Variants in ATG7 observed in about 807,000 individuals in gnomAD.
ATG7 encodes ubiquitin-like modifier-activating enzyme ATG7.
In ATG7, 70 loss-of-function variants were observed where a neutral mutation model predicts 82.4. That is an observed-to-expected ratio of 0.85 (90% CI 0.70 to 1.04). ATG7 has a LOEUF of 1.04. Ranked by LOEUF, ATG7 falls within the 50% of genes least tolerant of loss-of-function variation. The pLI is 0.00. For synonymous variants in ATG7, 287 were observed against 313.0 expected (o/e 0.92, Z 0.88); for missense variants, 792 against 864.3 (o/e 0.92, Z 1.05).
the ATG7 span, among the ~76,000 whole-genome samples, chr3:11,569,173 C>T: frequency 6.6e-6 from 1 of 152,230 alleles, no homozygotes; most frequent in African/African-American, 2.4e-5. Context: ...GAGTTTCCCA[C>T]CCTCCAACAA....
intron 20 of ATG7, among the ~76,000 whole-genome samples, chr3:11,518,330 A>G (rs1249541241): frequency 6.6e-6 from 1 of 152,210 alleles, no homozygotes; most frequent in Non-Finnish European, 1.5e-5. Context: ...GTGGATCACA[A>G]GGTCAAAGAG....
chr3:11,573,359 GAAAGAAAGAAAGAAAGAA>G, the ATG7 span, among the ~76,000 whole-genome samples: 13 of 102,258 alleles, frequency 1.3e-4, no homozygotes, highest in African/African-American at 2.9e-4. Flanking sequence ...AAGAAAGAAA[GAAAGAAAGAAAGAAAGAA>G]AGAAAGAAAG....
chr3:11,298,934 G>C (rs1246448387), intron 4 of ATG7, 79 bp downstream of exon 4: 1 of 1,480,252 alleles, frequency 6.8e-7, no homozygotes, highest in Non-Finnish European at 9.3e-7. Context: ...CTTTCCTTTA[G>C]AAAGAGACAG....
intron 1 of ATG7, among the ~76,000 whole-genome samples, chr3:11,278,952 T>C (rs1575111333): frequency 6.6e-6 from 1 of 152,288 alleles, no homozygotes; most frequent in East Asian, 1.9e-4. Context: ...AGAAATTCAC[T>C]AGATGATGGG....
At chr3:11,372,432 T>A (rs1303685638) in intron 18 of ATG7, among the ~76,000 whole-genome samples, 1 of 151,014 alleles carries the variant, frequency 6.6e-6, no homozygotes, top group East Asian at 1.9e-4. Flanking sequence ...TTTGAAAAAT[T>A]AAGATTATAA....
intron 20 of ATG7, among the ~76,000 whole-genome samples, chr3:11,455,756 A>C (rs1433889024): frequency 6.6e-6 from 1 of 152,098 alleles, no homozygotes; most frequent in Admixed American, 6.5e-5. Flanking sequence ...TATGGATCCC[A>C]CCTTAATCAA....
rs1216071733 is a variant in ATG7 at position 11,510,489 on chromosome 3, G to C, written c.2080-44322G>C. The stretch of plus-strand genomic sequence containing the variant: ...ATCCCAGTGATACAGATGCTGCCTT[G>C]TCTGGTCAGGCCTTCAGGGAGGATG... On this transcript the variant is annotated intron_variant, in intron 20 of 20. Transcript: ENST00000693202. 4 of 328,088 alleles carry C rather than the reference G, an allele frequency of 1.2e-5. No homozygotes were observed. In the Admixed American group the frequency reaches 1.8e-4, roughly 15 times the overall value. 20.3% of individuals were successfully genotyped at this position (328,088 alleles called of 1,614,324 possible).
chr3:11,567,294 A>T, the ATG7 span, among the ~76,000 whole-genome samples: 3 of 152,196 alleles, frequency 2.0e-5, no homozygotes, highest in African/African-American at 7.2e-5. Flanking sequence ...GCCCTCAGTG[A>T]GCGCCAAGAG....
At chr3:11,331,174 T>C (rs1441444990) in intron 9 of ATG7, among the ~76,000 whole-genome samples, 166 bp from the exon 10 acceptor site, 1 of 152,156 alleles carries the variant, frequency 6.6e-6, no homozygotes, top group Non-Finnish European at 1.5e-5. Flanking sequence ...TGTAGTGCAG[T>C]GTGAGATCCT....
intron 3 of ATG7, 113 bp from the exon 4 acceptor site, chr3:11,298,573 A>G (rs2152689964): frequency 1.9e-6 from 2 of 1,034,428 alleles, no homozygotes; most frequent in East Asian, 4.8e-5. Flanking sequence ...GGTAGCCTGT[A>G]AACATCTCAT....
the ATG7 span, among the ~76,000 whole-genome samples, chr3:11,571,814 A>G: frequency 2.6e-5 from 4 of 152,154 alleles, no homozygotes; most frequent in Admixed American, 2.6e-4. Context: ...TCCCAGCGTG[A>G]GAAGCCTATT....
At chr3:11,395,678 C>T (rs756376919) in intron 19 of ATG7, among the ~76,000 whole-genome samples, 71 of 152,226 alleles carry the variant, frequency 4.7e-4, no homozygotes, top group East Asian at 2.9e-3. Context: ...CAGTGGCTCA[C>T]GCCTGTAATC....
intron 20 of ATG7, among the ~76,000 whole-genome samples, chr3:11,429,831 C>G (rs536735015): frequency 2.8e-4 from 42 of 151,692 alleles, no homozygotes; most frequent in African/African-American, 9.9e-4. Flanking sequence ...GCCTGTAGTC[C>G]CAGCTACTCT....
chr3:11,503,125 A>G (rs755513720), intron 20 of ATG7, among the ~76,000 whole-genome samples: 8 of 152,186 alleles, frequency 5.3e-5, no homozygotes, highest in Non-Finnish European at 1.0e-4. Context: ...GTCCTTCTCC[A>G]GAGCCTCTGA....
chr3:11,488,513 TC>T, intron 20 of ATG7: 1 of 1,219,662 alleles, frequency 8.2e-7, no homozygotes, highest in East Asian at 4.1e-5. Flanking sequence ...GCCGCGACTG[TC>T]CCGGCTCCGC....
chr3:11,275,426 G>A (rs544042056), intron 1 of ATG7, among the ~76,000 whole-genome samples: 4 of 148,912 alleles, frequency 2.7e-5, no homozygotes, highest in African/African-American at 1.0e-4. Context: ...TCGGCTCACT[G>A]CAAGCTCTGC....
chr3:11,502,352 C>G (rs1166226648), intron 20 of ATG7, among the ~76,000 whole-genome samples: 1 of 145,054 alleles, frequency 6.9e-6, no homozygotes, highest in Non-Finnish European at 1.5e-5. Flanking sequence ...TTAGGTATAT[C>G]TCCCAATGCT....
At chr3:11,574,350 G>C in the ATG7 span, among the ~76,000 whole-genome samples, 7,178 of 152,156 alleles carry the variant, frequency 0.047, 583 homozygotes, top group African/African-American at 0.17. Flanking sequence ...ACTGGGCCTC[G>C]GTCACCTGTC....
chr3:11,385,715 G>A (rs1254952487), intron 19 of ATG7, among the ~76,000 whole-genome samples: 1 of 152,166 alleles, frequency 6.6e-6, no homozygotes, highest in Non-Finnish European at 1.5e-5. Context: ...GATGTTAAAG[G>A]GTCAAGTAGG....
Sources: gnomAD v4.1 joint callset for allele counts (sites outside exome capture counted in the v4.1 genomes callset) on GRCh38, gnomAD v4.1.1 for gene constraint, MANE v1.5 for transcripts, NCBI Gene and HGNC (gene_info 2026-07-23, HGNC 2026-07-21) for gene names.